The following TRMO variants were observed in gnomAD, a reference collection of about 807,000 sequenced individuals.
The protein encoded by TRMO is tRNA (adenine(37)-N6)-methyltransferase.
Under a neutral mutation model 37.2 loss-of-function variants are expected in TRMO, and 30 were observed. The ratio of observed to expected loss-of-function variants is 0.81; its 90% CI spans 0.60 to 1.09. TRMO has a LOEUF of 1.09. Ranked by LOEUF, TRMO falls within the 50% of genes least tolerant of loss-of-function variation. The pLI, the probability that TRMO is intolerant of heterozygous loss-of-function variation, is 0.00. For synonymous variants in TRMO, 239 were observed against 199.4 expected, an observed-to-expected ratio of 1.20 and a Z score of -1.67; for missense variants, 552 against 549.5, an observed-to-expected ratio of 1.00 and a Z score of -0.05.
chr9:97,918,234 A>T (rs1257857336), intron 1 of TRMO, among the ~76,000 whole-genome samples: 1 of 151,056 alleles, frequency 6.6e-6, no homozygotes, highest in East Asian at 2.0e-4. Context: ...TACAAAAAAA[A>T]AAAATAATTA....
At chr9:97,906,075 T>C (rs1222543722) in intron 4 of TRMO, among the ~76,000 whole-genome samples, 5 of 151,692 alleles carry the variant, frequency 3.3e-5, no homozygotes, top group East Asian at 1.9e-4. Flanking sequence ...GGAGGATCAC[T>C]TGAACCCGGG....
At chr9:97,910,888 C>G (rs1289249589) in intron 3 of TRMO, 1 of 570,150 alleles carries the variant, frequency 1.8e-6, no homozygotes. Context: ...TTCTTTCCTA[C>G]AGTCCCCATA....
chr9:97,913,323 G>GCATTCA, intron 3 of TRMO, 78 bp downstream of exon 3: 2 of 1,566,028 alleles, frequency 1.3e-6, no homozygotes, highest in South Asian at 1.1e-5. Flanking sequence ...TGAATAAACA[G>GCATTCA]CCAGTGGTGA....
rs560564237 is a variant in TRMO at position 97,904,866 on chromosome 9, T to G, written c.1193A>C (p.Tyr398Ser). The change falls in exon 5 of 5, where the codon TAC becomes TCC. Residue 398 changes from tyrosine to serine, a missense_variant. Physicochemically the swap from Tyr to Ser is moderately radical, Grantham distance 144 (BLOSUM62 -2). Coordinates refer to ENST00000375119, the MANE Select transcript of TRMO (RefSeq NM_016481.5). ...GACATGCGCTATGTCTACAGTAAAG[T>G]AGAAAAGGCGGTCCTGGCAAAGCTT... is the stretch of plus-strand genomic sequence containing the variant. Reference protein sequence around the residue: ...RRKLCQDRLFYFTVDIAHVTC... With the variant: ...RRKLCQDRLFSFTVDIAHVTC... 5.0e-6 allele frequency: 8 copies of G among 1,614,118 alleles called. No individual in the cohort carries two copies. The highest frequency in any genetic ancestry group is 6.8e-6 in the Non-Finnish European group (8 of 1,180,020).
At chr9:97,899,430 G>A in the TRMO span, among the ~76,000 whole-genome samples, 34 of 149,490 alleles carry the variant, frequency 2.3e-4, no homozygotes, top group East Asian at 6.0e-4. Flanking sequence ...TTTTATGTAC[G>A]TATTTATTTA....
At position 97,917,186 on chromosome 9, in the gene TRMO, G is replaced by T. The variant is rs1826409253; in HGVS notation, c.77-848C>A. On this transcript the variant is annotated intron_variant, in intron 1 of 4. Transcript: ENST00000375119. ...GAACAAGCTATTTTGATTGGCTGGA[G>T]TATGAAATAAGAGGCAGAGAATAAT... Among the ~76,000 whole-genome samples the T allele has an allele frequency of 2.0e-5, 3 of 152,194 alleles. No individual in the cohort carries two copies. The South Asian group carries it at 6.2e-4, about 31-fold the overall frequency.
chr9:97,906,640 A>G lies in TRMO; in HGVS notation c.1067-1648T>C, dbSNP rs186799602. On this transcript the variant is annotated intron_variant, in intron 4 of 4. Transcript: ENST00000375119. ...TAATCATTTTTTTAATCAGTAAGGC[A>G]TATTTCAAACATCTGACACATACTG... Among the ~76,000 whole-genome samples, 71 of 152,250 alleles carry G rather than the reference A, an allele frequency of 4.7e-4. 1 individual carries two copies. The highest frequency in any genetic ancestry group is 3.4e-3 in the Middle Eastern group (1 of 294).
chr9:97,914,838 C>A (rs1280701160), intron 2 of TRMO, among the ~76,000 whole-genome samples: 1 of 151,312 alleles, frequency 6.6e-6, no homozygotes, highest in East Asian at 1.9e-4. Context: ...AAAGGTCTGG[C>A]AGGATCTACA....
At chr9:97,915,818 GC>G in intron 2 of TRMO, 1 of 169,330 alleles carries the variant, frequency 5.9e-6, no homozygotes, top group South Asian at 2.0e-4. Context: ...AAATAAAAAA[GC>G]CATGCAAAAG....
intron 3 of TRMO, chr9:97,910,835 C>T (rs887940379): frequency 4.9e-6 from 3 of 612,420 alleles, no homozygotes; most frequent in South Asian, 1.9e-5. Flanking sequence ...CCCTCAAAAG[C>T]ACACCTTTTA....
intron 1 of TRMO, among the ~76,000 whole-genome samples, chr9:97,920,203 G>A (rs192669856): frequency 2.6e-5 from 4 of 152,304 alleles, no homozygotes; most frequent in Non-Finnish European, 4.4e-5. Context: ...ACCAGTTCTC[G>A]TCCTCAAGGG....
chr9:97,905,137 CT>C (rs993909984), intron 4 of TRMO, 145 bp from the exon 5 acceptor site: 6 of 894,338 alleles, frequency 6.7e-6, no homozygotes, highest in Admixed American at 4.8e-5. Flanking sequence ...ATTACGGAGA[CT>C]GTCACCGTCA....
intron 3 of TRMO, chr9:97,911,783 A>C (rs1326442251): frequency 6.6e-6 from 1 of 152,198 alleles, no homozygotes; most frequent in Non-Finnish European, 1.5e-5. Context: ...TTACTGCTAC[A>C]AATAGCCATC....
intron 1 of TRMO, among the ~76,000 whole-genome samples, chr9:97,917,201 C>CAG (rs1826409849): frequency 6.6e-6 from 1 of 152,014 alleles, no homozygotes; most frequent in Non-Finnish European, 1.5e-5. Context: ...AAATAAGAGG[C>CAG]AGAGAATAAT....
chr9:97,911,140 G>A (rs1224697963), intron 3 of TRMO: 1 of 283,898 alleles, frequency 3.5e-6, no homozygotes, highest in African/African-American at 2.3e-5. Flanking sequence ...CGCACCTCCT[G>A]AAGTTCATGC....
intron 1 of TRMO, among the ~76,000 whole-genome samples, chr9:97,920,111 GACA>G (rs1409053671): frequency 3.3e-5 from 5 of 152,278 alleles, no homozygotes; most frequent in South Asian, 2.1e-4. Context: ...ATCTCAAAAC[GACA>G]ACAACAAAAA....
the TRMO span, among the ~76,000 whole-genome samples, chr9:97,899,254 G>A: frequency 3.3e-5 from 5 of 152,100 alleles, no homozygotes; most frequent in African/African-American, 7.2e-5. Flanking sequence ...CTGCCTGCCC[G>A]GGCAGTGAAG....
chr9:97,906,447 G>A (rs1825856905), intron 4 of TRMO, among the ~76,000 whole-genome samples: 1 of 152,066 alleles, frequency 6.6e-6, no homozygotes, highest in Non-Finnish European at 1.5e-5. Flanking sequence ...ACAGCACTCT[G>A]CCCAGACCTT....
intron 2 of TRMO, among the ~76,000 whole-genome samples, 153 bp from the exon 3 acceptor site, chr9:97,913,711 A>G (rs576961195): frequency 3.3e-5 from 5 of 152,342 alleles, no homozygotes; most frequent in Non-Finnish European, 5.9e-5. Context: ...TAGGAAGAAA[A>G]TAACACCATC....
Sources: allele counts gnomAD v4.1 joint callset (sites outside exome capture counted in the v4.1 genomes callset), GRCh38; gene constraint gnomAD v4.1.1; transcripts MANE v1.5; gene names NCBI Gene and HGNC (gene_info 2026-07-23, HGNC 2026-07-21).